Variants in RSPH14 observed in about 807,000 individuals in gnomAD.
The protein encoded by RSPH14 is radial spoke head 14 homolog, also known as rhabdoid tumor deletion region gene 1.
RSPH14 carries 20 observed loss-of-function variants against 26.7 expected under a neutral mutation model. That is an observed-to-expected ratio of 0.75 (90% confidence interval 0.53 to 1.09). RSPH14 has a LOEUF of 1.09. Ranked by LOEUF, RSPH14 falls within the 50% of genes least tolerant of loss-of-function variation. The pLI is 0.00. For missense variants in RSPH14, 449 were observed against 457.2 expected (o/e 0.98, Z 0.16); for synonymous variants, 177 against 189.3 (o/e 0.93, Z 0.53).
At chr22:23,096,158 T>C (rs1488125051) in intron 4 of RSPH14, 1 of 1,613,152 alleles carries the variant, frequency 6.2e-7, no homozygotes, top group Non-Finnish European at 8.5e-7. Context: ...CAACGCGGCC[T>C]ACTACCTGAA....
chr22:23,158,647 G>T, the RSPH14 span, among the ~76,000 whole-genome samples: 7 of 152,236 alleles, frequency 4.6e-5, no homozygotes. Context: ...CACCGGGAGA[G>T]GCCAGAGGTG....
the RSPH14 span, chr22:23,158,765 T>C: frequency 1.3e-6 from 1 of 757,346 alleles, no homozygotes; most frequent in South Asian, 1.6e-5. Context: ...GCTCAGCCAG[T>C]GTGGGCCAGG....
In RSPH14 at chr22:23,064,077, C is replaced by T; in HGVS notation, c.478G>A (p.Val160Met). 6.2e-7 allele frequency: 1 copy of T among 1,614,198 alleles called. No individual in the cohort carries two copies. Among genetic ancestry groups the T allele is most frequent in the Non-Finnish European group, 8.5e-7 (1 of 1,180,028 alleles). ...LISSLVWKLQ[V>M]EVEEEEFQEF... is the part of the protein sequence containing the mutation. ...TGGAACTCCTCCTCCTCCACCTCCA[C>T]CTGCAGCTTCCATACCAGTGAGGAA... Residue 160 changes from valine to methionine, a missense_variant, in exon 5 of 7, where the codon GTG becomes ATG. Physicochemically the swap from Val to Met is conservative, Grantham distance 21. Transcript: ENST00000216036.
chr22:23,127,974 C>T (rs1426104573), intron 4 of RSPH14, among the ~76,000 whole-genome samples: 1 of 152,114 alleles, frequency 6.6e-6, no homozygotes, highest in Non-Finnish European at 1.5e-5. Flanking sequence ...TCCATCTCCA[C>T]CCCCGGGCTG....
the RSPH14 span, among the ~76,000 whole-genome samples, chr22:23,172,433 A>G: frequency 1.3e-5 from 2 of 150,892 alleles, no homozygotes; most frequent in Non-Finnish European, 3.0e-5. Context: ...AAAAAAAAAA[A>G]GGCCAGGTGC....
At chr22:23,089,570 C>A (rs188430244) in intron 4 of RSPH14, among the ~76,000 whole-genome samples, 33 of 152,288 alleles carry the variant, frequency 2.2e-4, no homozygotes, top group Non-Finnish European at 7.4e-5. Flanking sequence ...CCCTCCATGA[C>A]CATGTACCCA....
chr22:23,061,023 G>A (rs1412853762), intron 6 of RSPH14, among the ~76,000 whole-genome samples: 1 of 152,160 alleles, frequency 6.6e-6, no homozygotes, highest in Non-Finnish European at 1.5e-5. Context: ...ACCAGTAAAA[G>A]GAGGGGCTGT....
chr22:23,177,960 A>C, the RSPH14 span, among the ~76,000 whole-genome samples: 1 of 152,128 alleles, frequency 6.6e-6, no homozygotes, highest in Admixed American at 6.5e-5. Flanking sequence ...GCACCATGCC[A>C]GGCTAATTTT....
At position 23,063,997 on chromosome 22, in the gene RSPH14, G is replaced by T; in HGVS notation, c.558C>A (p.Ala186=). The T allele has an allele frequency of 6.2e-7, 1 of 1,614,204 alleles. No individual in the cohort carries two copies. Among genetic ancestry groups the T allele is most frequent in the Non-Finnish European group, 8.5e-7 (1 of 1,180,024 alleles). ...VLCLQEDATE[A]LGSNVVLVLK... The stretch of plus-strand genomic sequence containing the variant: ...GGACAAGCACCACATTGCTGCCCAG[G>T]GCCTCGGTGGCATCCTCCTGCAGGC... The change falls in exon 5 of 7, where the codon GCC becomes GCA. Residue 186 remains alanine, a synonymous_variant. Transcript: ENST00000216036.
chr22:23,139,468 A>C (rs1317078156), intron 2 of RSPH14, among the ~76,000 whole-genome samples: 1 of 152,152 alleles, frequency 6.6e-6, no homozygotes, highest in Non-Finnish European at 1.5e-5. Flanking sequence ...AAAAATACAA[A>C]ATATTAGCCA....
chr22:23,161,452 G>A, the RSPH14 span: 1 of 1,501,042 alleles, frequency 6.7e-7, no homozygotes, highest in Non-Finnish European at 9.2e-7. Flanking sequence ...CCCAGTGTCA[G>A]CTACAGGATT....
intron 4 of RSPH14, among the ~76,000 whole-genome samples, chr22:23,116,154 A>T (rs1302669635): frequency 1.3e-5 from 2 of 152,246 alleles, no homozygotes; most frequent in Admixed American, 6.5e-5. Context: ...TGAAGCTGCC[A>T]TGACCTCCGT....
At chr22:23,089,162 C>A (rs1162442033) in intron 4 of RSPH14, among the ~76,000 whole-genome samples, 2 of 152,170 alleles carry the variant, frequency 1.3e-5, no homozygotes, top group African/African-American at 4.8e-5. Flanking sequence ...GGAAGTCAGG[C>A]ACAGTGATGA....
the RSPH14 span, chr22:23,159,233 G>A: frequency 1.3e-6 from 2 of 1,598,416 alleles, no homozygotes; most frequent in Non-Finnish European, 1.7e-6. Flanking sequence ...GCCGAGTACT[G>A]GTCAGTGTCG....
intron 4 of RSPH14, chr22:23,095,451 C>T: frequency 1.9e-6 from 1 of 527,456 alleles, no homozygotes; most frequent in South Asian, 2.7e-5. Context: ...GCCACTTTGC[C>T]AACTAGGGAG....
the RSPH14 span, among the ~76,000 whole-genome samples, chr22:23,177,642 G>A: frequency 1.3e-5 from 2 of 152,176 alleles, no homozygotes; most frequent in South Asian, 2.1e-4. Context: ...CTCAGGATAG[G>A]GGTGCTTTCA....
chr22:23,145,279 T>G, upstream of RSPH14: 2 of 881,950 alleles, frequency 2.3e-6, no homozygotes, highest in Non-Finnish European at 3.3e-6. Context: ...ACCGCCCTTG[T>G]TGTCATGGTG....
chr22:23,155,561 G>A, the RSPH14 span, among the ~76,000 whole-genome samples: 1 of 152,234 alleles, frequency 6.6e-6, no homozygotes, highest in East Asian at 1.9e-4. Flanking sequence ...AAGTGGCAGA[G>A]CCACTGCTGG....
At chr22:23,130,066 A>G (rs191270856) in intron 4 of RSPH14, among the ~76,000 whole-genome samples, 413 of 33,930 alleles carry the variant, frequency 0.012, 8 homozygotes, top group African/African-American at 0.058. Flanking sequence ...AGAAAAAGAA[A>G]GAAAGAAAGA....
Sources: gnomAD v4.1 joint callset for allele counts (sites outside exome capture counted in the v4.1 genomes callset) on GRCh38, gnomAD v4.1.1 for gene constraint, MANE v1.5 for transcripts, NCBI Gene and HGNC (gene_info 2026-07-23, HGNC 2026-07-21) for gene names.